LONRF3: variants seen among roughly 807,000 people sequenced by gnomAD.
LONRF3 encodes LON peptidase N-terminal domain and ring finger 3, also known as LON peptidase N-terminal domain and RING finger protein 3.
A neutral mutation model predicts 51.7 loss-of-function variants in LONRF3; 19 were observed. That is an observed-to-expected ratio of 0.37 (90% CI 0.26 to 0.54). The LOEUF (loss-of-function observed/expected upper bound fraction) is 0.54. Among genes scored for constraint, LONRF3 ranks in the 20% least tolerant of loss-of-function variants. LONRF3 has a pLI of 0.86. For missense variants in LONRF3, 521 were observed against 623.9 expected (o/e 0.84, Z 1.76); for synonymous variants, 265 against 257.8 (o/e 1.03, Z -0.27).
intron 4 of LONRF3, 66 bp from the exon 5 acceptor site, chrX:118,990,404 C>A: frequency 1.2e-6 from 1 of 845,369 alleles, no homozygotes; most frequent in Non-Finnish European, 1.8e-6. Flanking sequence ...GATTATTTTG[C>A]CTCAGAAGTA....
intron 4 of LONRF3, 142 bp from the exon 5 acceptor site, chrX:118,990,328 T>C: frequency 4.1e-6 from 2 of 491,145 alleles, no homozygotes; most frequent in Non-Finnish European, 7.2e-6. Flanking sequence ...TCTCAACGGC[T>C]CAGGTGTCCA....
chrX:119,001,046 T>C (rs1007331409), intron 5 of LONRF3, among the ~76,000 whole-genome samples: 1 of 111,869 alleles, frequency 8.9e-6, no homozygotes, highest in Non-Finnish European at 1.9e-5. Context: ...CATTTATTAT[T>C]GCTATTGTTT....
intron 10 of LONRF3, among the ~76,000 whole-genome samples, chrX:119,016,913 A>G (rs1445030241): frequency 2.7e-5 from 3 of 112,267 alleles, no homozygotes; most frequent in Admixed American, 1.9e-4. Context: ...TCAACAGAAT[A>G]TTAGAAGTGG....
chrX:118,986,460 T>C (rs1198673662), intron 3 of LONRF3, among the ~76,000 whole-genome samples: 2 of 111,770 alleles, frequency 1.8e-5, no homozygotes, highest in African/African-American at 3.3e-5. Flanking sequence ...TAGAAGACAT[T>C]TGTAGACTTC....
At chrX:119,014,820 C>G (rs1449329167) in intron 10 of LONRF3, among the ~76,000 whole-genome samples, 1 of 111,559 alleles carries the variant, frequency 9.0e-6, no homozygotes, top group Non-Finnish European at 1.9e-5. Context: ...GGCCAGCTAC[C>G]CTTATAAGAT....
At chrX:118,999,046 G>T (rs771855093) in intron 5 of LONRF3, among the ~76,000 whole-genome samples, 2 of 112,768 alleles carry the variant, frequency 1.8e-5, no homozygotes, top group Admixed American at 9.4e-5. Flanking sequence ...GAGCACATAT[G>T]CTTCTCATAT....
chrX:119,006,345 C>A, intron 6 of LONRF3, 110 bp downstream of exon 6: 1 of 455,853 alleles, frequency 2.2e-6, no homozygotes, highest in Non-Finnish European at 3.8e-6. Context: ...CCCCCAGCCA[C>A]GGCACTGTGG....
intron 5 of LONRF3, among the ~76,000 whole-genome samples, chrX:119,004,841 A>T (rs1924596489): frequency 8.9e-6 from 1 of 112,564 alleles, no homozygotes; most frequent in African/African-American, 3.2e-5. Context: ...AGCTGTTTAA[A>T]GATAAAGCTG....
chrX:119,012,936 T>C lies in LONRF3; in HGVS notation c.1812-103T>C, dbSNP rs186825257. The C allele has an allele frequency of 9.2e-6, 11 of 1,200,559 alleles. No individual in the cohort carries two copies. The Admixed American group carries it at 1.1e-4, about 12-fold the overall frequency. On this transcript the variant is annotated intron_variant, in intron 8 of 10. Transcript: ENST00000371628. ...CCAGGGACAGGAAAATAGGCAGAAGTCCCTTGAGCCACAGCATGGGGCTAC... is the reference window on the plus strand; with the variant it reads ...CCAGGGACAGGAAAATAGGCAGAAGCCCCTTGAGCCACAGCATGGGGCTAC...
intron 5 of LONRF3, among the ~76,000 whole-genome samples, chrX:119,001,539 T>G (rs150168183): frequency 0.011 from 1,219 of 111,710 alleles, 3 homozygotes; most frequent in Middle Eastern, 0.032. Context: ...GCCAGAAAAA[T>G]ATATTCCATC....
chrX:119,014,447 G>C (rs1475321130), intron 10 of LONRF3, 91 bp downstream of exon 10: 12 of 838,675 alleles, frequency 1.4e-5, no homozygotes, highest in Non-Finnish European at 5.1e-6. Context: ...CTGCCATTCA[G>C]CACATCGAAT....
At position 118,984,083 on chromosome X, in the gene LONRF3, G is replaced by T. The variant is rs1002795656; in HGVS notation, c.1059+1140G>T. On this transcript the variant is annotated intron_variant, in intron 3 of 10. Coordinates refer to ENST00000371628, the MANE Select transcript of LONRF3 (RefSeq NM_001031855.3). ...GAATTTCTTCTGCATTATACACTGT[G>T]CTAGGCATTTTATGTGGAGTATATT... Among the ~76,000 whole-genome samples the T allele has an allele frequency of 3.6e-5, 4 of 112,266 alleles. No individual in the cohort carries two copies. The Admixed American group carries it at 3.8e-4, about 11-fold the overall frequency.
intron 2 of LONRF3, among the ~76,000 whole-genome samples, chrX:118,982,428 G>A (rs1257721495): frequency 9.0e-6 from 1 of 111,492 alleles, no homozygotes; most frequent in East Asian, 2.8e-4. Context: ...TCAAACGAAC[G>A]CATACCTGGG....
chrX:119,005,655 G>A (rs1427454050), intron 5 of LONRF3, among the ~76,000 whole-genome samples: 2 of 111,856 alleles, frequency 1.8e-5, no homozygotes, highest in Non-Finnish European at 3.8e-5. Flanking sequence ...GTTAGCAAAC[G>A]GTTTTTTTCC....
chrX:118,996,052 A>G (rs1182435730), intron 5 of LONRF3, among the ~76,000 whole-genome samples: 1 of 112,348 alleles, frequency 8.9e-6, no homozygotes, highest in East Asian at 2.8e-4. Context: ...AGAAAACCAC[A>G]TTAAGGTATG....
At chrX:118,995,116 A>AGGCTCTT (rs1923775635) in intron 5 of LONRF3, among the ~76,000 whole-genome samples, 2 of 112,508 alleles carry the variant, frequency 1.8e-5, no homozygotes, top group African/African-American at 6.4e-5. Context: ...TAAATTTAAG[A>AGGCTCTT]GAACTGAAAT....
intron 5 of LONRF3, among the ~76,000 whole-genome samples, chrX:118,990,929 C>G (rs868053119): frequency 9.0e-6 from 1 of 111,352 alleles, no homozygotes; most frequent in Non-Finnish European, 1.9e-5. Flanking sequence ...GCGATTTCAG[C>G]TCACTGCAAC....
chrX:118,987,445 G>GTTTTTTTTTTTT lies in LONRF3; in HGVS notation c.1060-1946_1060-1935dup, dbSNP rs369180848. 6.8e-4 allele frequency among the ~76,000 whole-genome samples: 22 copies of GTTTTTTTTTTTT among 32,304 alleles called. 2 individuals carry two copies. The highest frequency in any genetic ancestry group is 2.2e-3 in the African/African-American group (14 of 6,478). 28.1% of individuals were successfully genotyped at this position (32,304 alleles called of 115,157 possible). A position where few individuals can be genotyped will look rare whatever the true frequency, so the allele number is the denominator to read the frequency against. ...GGCACGTGCCACCATGCCTGGCTAA[G>GTTTTTTTTTTTT]TTTTTTTTTTTTTTTTTTTTTTTTT... On this transcript the variant is annotated intron_variant, in intron 3 of 10. Coordinates refer to ENST00000371628, the MANE Select transcript of LONRF3 (RefSeq NM_001031855.3).
At position 118,975,342 on chromosome X, in the gene LONRF3, G is replaced by T. The variant is rs770638125; in HGVS notation, c.562G>T (p.Ala188Ser). ...CKLCLERGRA[A>S]DRRCALCGVK... ...ACTGTGCCTGGAACGTGGGCGGGCC[G>T]CCGACCGGCGCTGTGCGCTGTGCGG... The change falls in exon 1 of 11, where the codon GCC becomes TCC. Residue 188 changes from alanine to serine, a missense_variant. Around this residue, in one of 2 missense-constraint regions of LONRF3, gnomAD observed 376 missense variants for 376.7 expected, o/e 1.00. Coordinates refer to ENST00000371628, the MANE Select transcript of LONRF3 (RefSeq NM_001031855.3). 1.4e-5 allele frequency: 17 copies of T among 1,208,710 alleles called. No homozygotes were observed. In the Admixed American group the frequency reaches 2.2e-4, roughly 15 times the overall value.
Sources: gnomAD v4.1 joint callset for allele counts (sites outside exome capture counted in the v4.1 genomes callset) on GRCh38, gnomAD v4.1.1 for gene constraint, gnomAD v4.1.1 regional missense constraint, MANE v1.5 for transcripts, NCBI Gene and HGNC (gene_info 2026-07-23, HGNC 2026-07-21) for gene names.